Variants in DACH1 observed in about 807,000 individuals in gnomAD.
DACH1 encodes dachshund family transcription factor 1.
A neutral mutation model predicts 54.2 loss-of-function variants in DACH1; 12 were observed. The observed-to-expected ratio is 0.22, with a 90% confidence interval of 0.14 to 0.36. The LOEUF (loss-of-function observed/expected upper bound fraction) is 0.36, where lower values mean the gene tolerates loss of function less well. Among genes scored for constraint, DACH1 ranks in the 10% least tolerant of loss-of-function variants. The pLI is 1.00. For missense variants in DACH1, 805 were observed against 929.8 expected (o/e 0.87, Z 1.75); for synonymous variants, 386 against 366.2 (o/e 1.05, Z -0.62).
At chr13:71,588,356 G>C (rs1335121997) in intron 3 of DACH1, among the ~76,000 whole-genome samples, 1 of 152,000 alleles carries the variant, frequency 6.6e-6, no homozygotes, top group Non-Finnish European at 1.5e-5. Flanking sequence ...CTCTACTTTA[G>C]TTTGTACAAT....
At chr13:71,527,961 T>C (rs1175975357) in intron 6 of DACH1, among the ~76,000 whole-genome samples, 1 of 152,072 alleles carries the variant, frequency 6.6e-6, no homozygotes, top group Non-Finnish European at 1.5e-5. Flanking sequence ...CTTAGGCATA[T>C]AACCATATAA....
chr13:71,751,679 A>C (rs1447318941), intron 1 of DACH1, among the ~76,000 whole-genome samples: 1 of 152,172 alleles, frequency 6.6e-6, no homozygotes, highest in Non-Finnish European at 1.5e-5. Flanking sequence ...GTAAATATGA[A>C]AGTAAAAAGT....
chr13:71,650,008 C>G (rs995423676), intron 2 of DACH1, among the ~76,000 whole-genome samples: 4 of 152,150 alleles, frequency 2.6e-5, no homozygotes, highest in Admixed American at 6.5e-5. Context: ...GAAGGCCAAG[C>G]ACTTTGACCT....
At chr13:71,771,905 A>T (rs930620951) in intron 1 of DACH1, among the ~76,000 whole-genome samples, 118 of 151,636 alleles carry the variant, frequency 7.8e-4, no homozygotes, top group African/African-American at 2.7e-3. Context: ...GAAAAAAAAA[A>T]GCCACTATAA....
chr13:71,549,604 A>C (rs1883678215), intron 6 of DACH1, among the ~76,000 whole-genome samples: 1 of 152,186 alleles, frequency 6.6e-6, no homozygotes, highest in Non-Finnish European at 1.5e-5. Flanking sequence ...GATGTACTGG[A>C]GATATAATTG....
intron 3 of DACH1, among the ~76,000 whole-genome samples, chr13:71,594,587 G>A (rs1045824081): frequency 6.6e-6 from 1 of 152,082 alleles, no homozygotes; most frequent in Non-Finnish European, 1.5e-5. Context: ...GAGCTGAAGT[G>A]ATGTGTAGCT....
intron 4 of DACH1, among the ~76,000 whole-genome samples, chr13:71,562,111 T>C (rs1310003990): frequency 1.1e-4 from 16 of 152,166 alleles, no homozygotes; most frequent in Admixed American, 9.8e-4. Flanking sequence ...AGAGTTTTTG[T>C]ACAGAGCTAA....
chr13:71,784,828 T>C (rs1886525040), intron 1 of DACH1, among the ~76,000 whole-genome samples: 1 of 152,122 alleles, frequency 6.6e-6, no homozygotes, highest in South Asian at 2.1e-4. Flanking sequence ...ATTTCTATCA[T>C]AATAAAATGT....
chr13:71,662,316 T>C (rs1165730699), intron 2 of DACH1, among the ~76,000 whole-genome samples: 1 of 151,928 alleles, frequency 6.6e-6, no homozygotes, highest in African/African-American at 2.4e-5. Flanking sequence ...GAATACATGC[T>C]TTTTTAAAAA....
intron 6 of DACH1, 40 bp from the exon 7 acceptor site, chr13:71,489,188 T>C (rs762191018): frequency 6.3e-7 from 1 of 1,590,666 alleles, no homozygotes; most frequent in South Asian, 1.1e-5. Flanking sequence ...CAAGTTACGC[T>C]TGTCTGTTTT....
chr13:71,807,375 C>T (rs1181355100), intron 1 of DACH1, among the ~76,000 whole-genome samples: 1 of 149,228 alleles, frequency 6.7e-6, no homozygotes, highest in Non-Finnish European at 1.5e-5. Context: ...ACTTCCCTCG[C>T]CCCTGTCATT....
chr13:71,532,677 C>T (rs990200296), intron 6 of DACH1, among the ~76,000 whole-genome samples: 4 of 151,952 alleles, frequency 2.6e-5, no homozygotes, highest in African/African-American at 9.7e-5. Flanking sequence ...CTTCAGCTCC[C>T]TTCCCCTTTA....
At chr13:71,656,396 G>A (rs1879091047) in intron 2 of DACH1, among the ~76,000 whole-genome samples, 3 of 151,948 alleles carry the variant, frequency 2.0e-5, no homozygotes, top group Admixed American at 2.0e-4. Context: ...CTACTGAATA[G>A]GGCATCTGGT....
At chr13:71,645,169 T>C (rs998389011) in intron 2 of DACH1, among the ~76,000 whole-genome samples, 1 of 152,152 alleles carries the variant, frequency 6.6e-6, no homozygotes, top group Non-Finnish European at 1.5e-5. Context: ...CTACTCCAAG[T>C]TTAGGAGGGG....
At chr13:71,507,043 AAAATTGAC>A (rs1880389040) in intron 6 of DACH1, among the ~76,000 whole-genome samples, 1 of 151,554 alleles carries the variant, frequency 6.6e-6, no homozygotes, top group Non-Finnish European at 1.5e-5. Flanking sequence ...AACAAAAGAC[AAAATTGAC>A]AAATGGGATC....
intron 3 of DACH1, among the ~76,000 whole-genome samples, chr13:71,583,154 A>G (rs559359133): frequency 6.6e-6 from 1 of 152,334 alleles, no homozygotes; most frequent in East Asian, 1.9e-4. Context: ...TATTGTAACC[A>G]TAATGTGACC....
At chr13:71,639,945 C>T (rs1877768549) in intron 2 of DACH1, among the ~76,000 whole-genome samples, 1 of 151,956 alleles carries the variant, frequency 6.6e-6, no homozygotes. Flanking sequence ...TCTAAACAAC[C>T]TCTTGGGGTC....
chr13:71,692,330 A>G (rs564108160), intron 1 of DACH1, among the ~76,000 whole-genome samples: 2 of 152,078 alleles, frequency 1.3e-5, no homozygotes, highest in East Asian at 3.9e-4. Flanking sequence ...ATTCTCTAAT[A>G]GTTTTATACG....
At chr13:71,741,825 T>C (rs936165962) in intron 1 of DACH1, among the ~76,000 whole-genome samples, 1 of 152,078 alleles carries the variant, frequency 6.6e-6, no homozygotes, top group Non-Finnish European at 1.5e-5. Context: ...AGTCAAAGAA[T>C]GAAACAGAAA....
Sources: gnomAD v4.1 joint callset for allele counts (sites outside exome capture counted in the v4.1 genomes callset) on GRCh38, gnomAD v4.1.1 for gene constraint, MANE v1.5 for transcripts, NCBI Gene and HGNC (gene_info 2026-07-23, HGNC 2026-07-21) for gene names.